XKR5: variants seen among roughly 807,000 people sequenced by gnomAD.
The protein encoded by XKR5 is XK related 5.
A neutral mutation model predicts 40.8 loss-of-function variants in XKR5; 46 were observed. The ratio of observed to expected loss-of-function variants is 1.13; its 90% CI spans 0.89 to 1.44. The LOEUF (loss-of-function observed/expected upper bound fraction) is 1.44, where lower values mean the gene tolerates loss of function less well. Ranked by LOEUF, XKR5 falls within the 40% of genes most tolerant of loss-of-function variation. XKR5 has a pLI of 0.00. For missense variants in XKR5, 1,169 were observed against 844.7 expected, an observed-to-expected ratio of 1.38 and a Z score of -4.76; for synonymous variants, 466 against 356.1, an observed-to-expected ratio of 1.31 and a Z score of -3.48.
Position 6,812,177 on chromosome 8 carries a change from G to C in XKR5, c.1082C>G (p.Ser361Ter). ...ATAACTTGCCCCTTGGCATGAGCCT[G>C]AGCTCTCGGTTCTCTTCCCAGCTAG... is the stretch of plus-strand genomic sequence containing the variant. Reference protein sequence around the residue: ...TDLAGKRTESSGSCQGASYEP... With the variant: ...TDLAGKRTES The change falls in exon 7 of 7, where the codon TCA becomes TGA. Residue 361 changes from serine to a stop codon, truncating the protein, a stop_gained. Transcript: ENST00000618742. LOFTEE classifies it low-confidence loss of function (END_TRUNC). 1.3e-6 allele frequency: 2 copies of C among 1,551,772 alleles called. No homozygotes were observed. Among genetic ancestry groups the C allele is most frequent in the Non-Finnish European group, 1.7e-6 (2 of 1,147,004 alleles).
rs1313060556 is a variant in XKR5, at chr8:6,825,290, C to T, written c.302G>A (p.Trp101Ter). The T allele has an allele frequency of 2.5e-6, 4 of 1,610,198 alleles. No homozygotes were observed. Among genetic ancestry groups the T allele is most frequent in the South Asian group, 1.1e-5 (1 of 90,578 alleles). ...QKELEAPHRG[W>*]LQLQEADLSA... Reference sequence around the variant, plus strand: ...CAGGTCGGCCTCCTGCAGCTGCAGCCAGCCTCGGTGGGGAGCCTCCAGTTC... The same window carrying T: ...CAGGTCGGCCTCCTGCAGCTGCAGCTAGCCTCGGTGGGGAGCCTCCAGTTC... The change falls in exon 3 of 7, where the codon TGG (tryptophan) becomes TAG (stop). Residue 101 changes from tryptophan to a stop codon, truncating the protein, a stop_gained. Transcript: ENST00000618742. LOFTEE classifies it high-confidence loss of function.
chr8:6,832,035 A>AC (rs749663402), intron 2 of XKR5, among the ~76,000 whole-genome samples: 1 of 37,270 alleles, frequency 2.7e-5, no homozygotes, highest in Non-Finnish European at 6.1e-5. Flanking sequence ...AAAAAAAAAA[A>AC]CAAACCTAAC....
At chr8:6,814,831 C>T (rs575162709) in intron 6 of XKR5, among the ~76,000 whole-genome samples, 41 of 152,302 alleles carry the variant, frequency 2.7e-4, no homozygotes, top group South Asian at 8.3e-4. Flanking sequence ...TTCTCTGACC[C>T]GTGAACAGCC....
At chr8:6,819,776 C>T (rs1587171504) in intron 5 of XKR5, among the ~76,000 whole-genome samples, 1 of 152,128 alleles carries the variant, frequency 6.6e-6, no homozygotes, top group South Asian at 2.1e-4. Context: ...TATTTCACCT[C>T]TTTATGGTGA....
At chr8:6,832,208 C>G (rs1804801568) in intron 2 of XKR5, among the ~76,000 whole-genome samples, 1 of 152,110 alleles carries the variant, frequency 6.6e-6, no homozygotes, top group African/African-American at 2.4e-5. Context: ...ATAAGCCCAC[C>G]AGGCCCCAGA....
chr8:6,829,038 A>T (rs978140726), intron 2 of XKR5: 1 of 152,272 alleles, frequency 6.6e-6, no homozygotes, highest in Non-Finnish European at 1.5e-5. Context: ...CATTGATGGA[A>T]ATCGCAACAG....
Position 6,821,928 on chromosome 8 carries a change from GGAT to G in XKR5, c.745_747del (p.Ile249del). 6.2e-7 allele frequency: 1 copy of G among 1,613,296 alleles called. No individual in the cohort carries two copies. Among genetic ancestry groups the G allele is most frequent in the East Asian group, 2.2e-5 (1 of 44,870 alleles). On this transcript the variant is annotated inframe_deletion, in exon 5 of 7. Transcript: ENST00000618742. ...CTGTCCCAGAAGCTGAGGTAGCAGA[GGAT>G]GTACACGGCCCCCACGAGCAGGTTG...
rs1384806350 is a variant in XKR5, at chr8:6,815,382, C to G, written c.919+425G>C. Among the ~76,000 whole-genome samples the G allele has an allele frequency of 3.9e-5, 6 of 152,244 alleles. 1 individual carries two copies. Among genetic ancestry groups the G allele is most frequent in the Admixed American group, 3.9e-4 (6 of 15,306 alleles). On this transcript the variant is annotated intron_variant, in intron 6 of 6. Transcript: ENST00000618742. ...ACCATTGGATCTTTCGGGGACTCAACCTCCTCTGTGCCTCACCTTCCTCTC... is the reference window on the plus strand; with the variant it reads ...ACCATTGGATCTTTCGGGGACTCAAGCTCCTCTGTGCCTCACCTTCCTCTC...
chr8:6,815,818 C>G lies in XKR5; in HGVS notation c.908G>C (p.Gly303Ala). 1 of 1,601,416 alleles carries G rather than the reference C, an allele frequency of 6.2e-7. No individual in the cohort carries two copies. The change falls in exon 6 of 7, where the codon GGA becomes GCA. Residue 303 changes from glycine to alanine, a missense_variant. Coordinates refer to ENST00000618742, the MANE Select transcript of XKR5 (RefSeq NM_207411.5). ...ACATTGGGACTTACCAATCAGAAATCCAGACAGGACCCCAGCTATGGTCTG... is the reference window on the plus strand; with the variant it reads ...ACATTGGGACTTACCAATCAGAAATGCAGACAGGACCCCAGCTATGGTCTG... ...SLQTIAGVLS[G>A]FLIGSVSLVI... is the part of the protein sequence containing the mutation.
intron 2 of XKR5, among the ~76,000 whole-genome samples, chr8:6,830,665 G>T (rs1804725048): frequency 6.6e-6 from 1 of 152,016 alleles, no homozygotes; most frequent in South Asian, 2.1e-4. Context: ...TATTTTTAAA[G>T]TCATCTTAAC....
At chr8:6,835,106 C>T (rs1461495193) in intron 1 of XKR5, among the ~76,000 whole-genome samples, 2 of 152,094 alleles carry the variant, frequency 1.3e-5, no homozygotes, top group Non-Finnish European at 2.9e-5. Flanking sequence ...TACATCTCCC[C>T]TGCTTCTGCG....
chr8:6,812,717 A>G (rs990937642), intron 6 of XKR5, among the ~76,000 whole-genome samples: 5 of 152,260 alleles, frequency 3.3e-5, no homozygotes, highest in Non-Finnish European at 7.3e-5. Context: ...ACTTTCAAGT[A>G]ACTGGACCAT....
intron 1 of XKR5, among the ~76,000 whole-genome samples, 163 bp downstream of exon 1, chr8:6,835,273 T>G (rs1427109125): frequency 6.6e-6 from 1 of 152,130 alleles, no homozygotes; most frequent in Admixed American, 6.5e-5. Context: ...CGGGAGGACG[T>G]GCTCTGCAGG....
rs1803625383 is a variant in XKR5, at chr8:6,810,369, T to A, written c.*829A>T. The A allele has an allele frequency of 6.6e-6, 1 of 152,232 alleles. No homozygotes were observed. The highest frequency in any genetic ancestry group is 1.5e-5 in the Non-Finnish European group (1 of 68,062). 9.4% of individuals were successfully genotyped at this position (152,232 alleles called of 1,614,324 possible). ...GGATGGGCTTAAATCATGGATAGTG[T>A]CTCACATTGAATGGAAGTGGGAACA... On this transcript the variant is annotated 3_prime_UTR_variant, in exon 7 of 7. Coordinates refer to ENST00000618742, the MANE Select transcript of XKR5 (RefSeq NM_207411.5).
chr8:6,833,524 A>G (rs1397077999), intron 1 of XKR5, among the ~76,000 whole-genome samples: 1 of 152,198 alleles, frequency 6.6e-6, no homozygotes, highest in Non-Finnish European at 1.5e-5. Context: ...CGACGTCAGG[A>G]GTTCAAGACC....
At chr8:6,825,096 A>G in intron 3 of XKR5, 69 bp downstream of exon 3, 1 of 1,579,670 alleles carries the variant, frequency 6.3e-7, no homozygotes, top group Non-Finnish European at 8.6e-7. Flanking sequence ...GGGTTTTGCT[A>G]AACAGGCTCA....
At chr8:6,817,173 A>C (rs1803998642) in intron 5 of XKR5, among the ~76,000 whole-genome samples, 1 of 151,986 alleles carries the variant, frequency 6.6e-6, no homozygotes, top group Non-Finnish European at 1.5e-5. Context: ...CTCTCTCTGA[A>C]ATCTCTCCTC....
At chr8:6,819,599 C>T (rs1398686444) in intron 5 of XKR5, among the ~76,000 whole-genome samples, 2 of 152,146 alleles carry the variant, frequency 1.3e-5, no homozygotes, top group Non-Finnish European at 2.9e-5. Context: ...AGGGAGGGGC[C>T]CAGACTCAGG....
chr8:6,811,643 C>T lies in XKR5; in HGVS notation c.1616G>A (p.Ser539Asn), dbSNP rs187373799. The change falls in exon 7 of 7, where the codon AGT becomes AAT. Residue 539 changes from serine to asparagine, a missense_variant. Physicochemically the swap from Ser to Asn is conservative, Grantham distance 46. Coordinates refer to ENST00000618742, the MANE Select transcript of XKR5 (RefSeq NM_207411.5). The stretch of plus-strand genomic sequence containing the variant: ...AGTGGCGCTGAAGTACAACGTGGAA[C>T]TCTGCTGTCCTTCCCCTCCTCTCTG... ...GQQRGGEGQQ[S>N]STLYFSATAE... is the part of the protein sequence containing the mutation. 55 of 1,537,450 alleles carry T rather than the reference C, an allele frequency of 3.6e-5. No homozygotes were observed. Among genetic ancestry groups the T allele is most frequent in the Non-Finnish European group, 4.2e-5 (48 of 1,147,002 alleles).
Sources: gnomAD v4.1 joint callset for allele counts (sites outside exome capture counted in the v4.1 genomes callset) on GRCh38, gnomAD v4.1.1 for gene constraint, MANE v1.5 for transcripts, NCBI Gene and HGNC (gene_info 2026-07-23, HGNC 2026-07-21) for gene names.